Variants in IQGAP2 observed in about 807,000 individuals in gnomAD.
The protein encoded by IQGAP2 is IQ motif containing GTPase activating protein 2.
IQGAP2 carries 173 observed loss-of-function variants against 201.3 expected under a neutral mutation model. That is an observed-to-expected ratio of 0.86 (90% CI 0.76 to 0.98). The LOEUF (loss-of-function observed/expected upper bound fraction) is 0.98. Among genes scored for constraint, IQGAP2 ranks in the 50% least tolerant of loss-of-function variants. IQGAP2 has a pLI of 0.00. For synonymous variants in IQGAP2, 675 were observed against 673.9 expected, an observed-to-expected ratio of 1.00 and a Z score of -0.03; for missense variants, 1,687 against 1,864.8, an observed-to-expected ratio of 0.90 and a Z score of 1.76.
chr5:76,577,839 C>T (rs536049004), intron 5 of IQGAP2, among the ~76,000 whole-genome samples: 34 of 152,264 alleles, frequency 2.2e-4, no homozygotes, highest in African/African-American at 8.2e-4. Context: ...ATCCTGGCTG[C>T]AAATACAGCA....
chr5:76,495,667 GTGCTTGCATC>G (rs1435074537), intron 2 of IQGAP2, among the ~76,000 whole-genome samples: 1 of 152,188 alleles, frequency 6.6e-6, no homozygotes, highest in African/African-American at 2.4e-5. Flanking sequence ...AGGAAGCACG[GTGCTTGCATC>G]TGCTTCTGGA....
intron 33 of IQGAP2, 72 bp from the exon 34 acceptor site, chr5:76,701,004 A>G (rs1747330655): frequency 5.4e-6 from 8 of 1,493,132 alleles, no homozygotes; most frequent in African/African-American, 4.2e-5. Context: ...CACTCTGAGT[A>G]TGGTAATCGC....
At chr5:76,583,121 A>T (rs566599717) in intron 5 of IQGAP2, among the ~76,000 whole-genome samples, 3 of 152,364 alleles carry the variant, frequency 2.0e-5, no homozygotes, top group Non-Finnish European at 4.4e-5. Context: ...ACGGTGCTTA[A>T]TAAATTAACT....
chr5:76,606,265 T>C lies in IQGAP2; in HGVS notation c.1319T>C (p.Ile440Thr), dbSNP rs779822298. Residue 440 changes from isoleucine to threonine, a missense_variant, in exon 12 of 36, where the codon ATT (isoleucine) becomes ACT (threonine). Transcript: ENST00000274364. ...AGCTGGAATGAAATTCAGAATTGTA[T>C]TGATATGGTTAATGCTCAAATTCAA... The part of the protein sequence containing the change: ...NLSWNEIQNC[I>T]DMVNAQIQEE... 5 of 1,603,932 alleles carry C rather than the reference T, an allele frequency of 3.1e-6. No homozygotes were observed. The South Asian group carries it at 4.5e-5, about 14-fold the overall frequency.
intron 21 of IQGAP2, among the ~76,000 whole-genome samples, chr5:76,663,179 G>A (rs895318237): frequency 2.6e-5 from 4 of 152,224 alleles, no homozygotes; most frequent in African/African-American, 9.6e-5. Flanking sequence ...GTCCGCTTGT[G>A]AAAATGACTA....
At chr5:76,534,960 A>T (rs1759532014) in intron 2 of IQGAP2, among the ~76,000 whole-genome samples, 1 of 152,238 alleles carries the variant, frequency 6.6e-6, no homozygotes, top group African/African-American at 2.4e-5. Flanking sequence ...CATACATTAA[A>T]GTATTTGTCC....
chr5:76,658,918 A>T (rs1743002655), intron 21 of IQGAP2, among the ~76,000 whole-genome samples: 2 of 152,210 alleles, frequency 1.3e-5, no homozygotes, highest in African/African-American at 4.8e-5. Flanking sequence ...TGAATACTGC[A>T]GGCAATTGTA....
At chr5:76,692,334 T>C (rs1746336259) in intron 30 of IQGAP2, among the ~76,000 whole-genome samples, 1 of 152,188 alleles carries the variant, frequency 6.6e-6, no homozygotes, top group African/African-American at 2.4e-5. Context: ...GTATCCTTAG[T>C]AGGGATGGGG....
intron 34 of IQGAP2, 124 bp downstream of exon 34, chr5:76,701,337 A>G (rs1747370879): frequency 2.7e-5 from 24 of 885,758 alleles, no homozygotes; most frequent in Non-Finnish European, 3.6e-5. Context: ...AGGGAAGAAT[A>G]CACAAATTGT....
intron 2 of IQGAP2, among the ~76,000 whole-genome samples, chr5:76,535,403 C>G (rs1393133813): frequency 6.6e-6 from 1 of 152,110 alleles, no homozygotes; most frequent in African/African-American, 2.4e-5. Flanking sequence ...TCAAAAATGC[C>G]CATGTCACAA....
chr5:76,666,423 G>T (rs1404165313), intron 22 of IQGAP2, among the ~76,000 whole-genome samples: 2 of 152,166 alleles, frequency 1.3e-5, no homozygotes, highest in Admixed American at 6.5e-5. Flanking sequence ...AGATTCTTTA[G>T]AATTTAGTTT....
At chr5:76,531,261 A>G (rs1457428568) in intron 2 of IQGAP2, among the ~76,000 whole-genome samples, 3 of 151,958 alleles carry the variant, frequency 2.0e-5, no homozygotes, top group Non-Finnish European at 4.4e-5. Flanking sequence ...TGCCTTTTTA[A>G]TTTTTTAATT....
intron 2 of IQGAP2, among the ~76,000 whole-genome samples, chr5:76,467,452 T>C (rs1035969176): frequency 3.9e-5 from 6 of 152,208 alleles, no homozygotes; most frequent in Admixed American, 3.3e-4. Flanking sequence ...TGTTACTTCA[T>C]ACCCACCAGC....
chr5:76,615,245 G>C (rs953743868), intron 13 of IQGAP2, among the ~76,000 whole-genome samples: 2 of 152,202 alleles, frequency 1.3e-5, no homozygotes, highest in Non-Finnish European at 1.5e-5. Context: ...GAATATTGCT[G>C]TATTTTTTCC....
chr5:76,612,700 C>G (rs764362304), intron 13 of IQGAP2, among the ~76,000 whole-genome samples: 2 of 148,810 alleles, frequency 1.3e-5, no homozygotes, highest in Admixed American at 6.7e-5. Flanking sequence ...AAAAAAAAAT[C>G]ATGCTGTGAT....
At chr5:76,501,643 C>CTTTTTTTTTTTTTTTTTTTTTTTTTTT (rs56929376) in intron 2 of IQGAP2, among the ~76,000 whole-genome samples, 1 of 101,098 alleles carries the variant, frequency 9.9e-6, no homozygotes. Flanking sequence ...TTTTCCTTTT[C>CTTTTTTTTTTTTTTTTTTTTTTTTTTT]TTTTTTTTTT....
At chr5:76,615,788 T>C (rs1259885760) in intron 13 of IQGAP2, 1 of 152,558 alleles carries the variant, frequency 6.6e-6, no homozygotes, top group Non-Finnish European at 1.5e-5. Flanking sequence ...CATTTCCCCA[T>C]TAAAAGCTAT....
At chr5:76,637,425 G>A (rs1751236357) in intron 16 of IQGAP2, among the ~76,000 whole-genome samples, 1 of 152,088 alleles carries the variant, frequency 6.6e-6, no homozygotes, top group Non-Finnish European at 1.5e-5. Context: ...TATTTGGGAT[G>A]GTAGATTATC....
chr5:76,511,972 G>A (rs913757977), intron 2 of IQGAP2, among the ~76,000 whole-genome samples: 11 of 152,138 alleles, frequency 7.2e-5, no homozygotes, highest in Non-Finnish European at 1.5e-4. Context: ...GAGCCACCGC[G>A]CCAGGCCTTA....
Sources: gnomAD v4.1 joint callset for allele counts (sites outside exome capture counted in the v4.1 genomes callset) on GRCh38, gnomAD v4.1.1 for gene constraint, MANE v1.5 for transcripts, NCBI Gene and HGNC (gene_info 2026-07-23, HGNC 2026-07-21) for gene names.